KLHL8: variants seen among roughly 807,000 people sequenced by gnomAD.
The protein encoded by KLHL8 is kelch-like protein 8.
In KLHL8, 38 loss-of-function variants were observed where a neutral mutation model predicts 63.5. The ratio of observed to expected loss-of-function variants is 0.60; its 90% confidence interval spans 0.46 to 0.78. KLHL8 has a LOEUF of 0.78. Among genes scored for constraint, KLHL8 ranks in the 30% least tolerant of loss-of-function variants. The pLI is 0.00. For missense variants in KLHL8, 566 were observed against 752.4 expected (o/e 0.75, Z 2.90); for synonymous variants, 224 against 254.3 (o/e 0.88, Z 1.13).
At chr4:87,175,990 A>T (rs1163629427) in intron 6 of KLHL8, among the ~76,000 whole-genome samples, 1 of 152,240 alleles carries the variant, frequency 6.6e-6, no homozygotes, top group Non-Finnish European at 1.5e-5. Flanking sequence ...TATCTCTGCC[A>T]TTATTCACCT....
chr4:87,168,764 A>G (rs555818476), intron 8 of KLHL8, among the ~76,000 whole-genome samples: 1 of 141,364 alleles, frequency 7.1e-6, no homozygotes, highest in African/African-American at 2.6e-5. Flanking sequence ...ATGTGTGTGT[A>G]TATATATGTG....
chr4:87,202,308 C>T (rs142349733), intron 1 of KLHL8, among the ~76,000 whole-genome samples: 66 of 152,158 alleles, frequency 4.3e-4, no homozygotes, highest in African/African-American at 1.5e-3. Flanking sequence ...TTAGTAGAGA[C>T]GGGGTTTCAG....
chr4:87,174,471 GT>G (rs1210542499), intron 6 of KLHL8, among the ~76,000 whole-genome samples: 1 of 152,046 alleles, frequency 6.6e-6, no homozygotes, highest in Non-Finnish European at 1.5e-5. Context: ...TAGAGACGGT[GT>G]TTTGCCATGT....
At chr4:87,226,587 A>ATATATAAGTAATATATATATTATT (rs1732979963) in intron 1 of KLHL8, among the ~76,000 whole-genome samples, 4 of 84,796 alleles carry the variant, frequency 4.7e-5, no homozygotes, top group Non-Finnish European at 6.5e-5. Context: ...CTCTCTCTAT[A>ATATATAAGTAATATATATATTATT]TATATAAATA....
intron 1 of KLHL8, among the ~76,000 whole-genome samples, chr4:87,230,664 T>C (rs538422977): frequency 6.6e-6 from 1 of 152,314 alleles, no homozygotes; most frequent in African/African-American, 2.4e-5. Flanking sequence ...AAGTACTGAT[T>C]ATATTATTAG....
At position 87,183,241 on chromosome 4, in the gene KLHL8, TC is replaced by T; in HGVS notation, c.913del (p.Glu305AsnfsTer19). On this transcript the variant is annotated frameshift_variant, in exon 4 of 10. Transcript: ENST00000273963. LOFTEE classifies it high-confidence loss of function. ...HLSSRAVPDFEYSIRTTPRKH... is the reference protein window; with the variant it reads ...HLSSRAVPDFXYSIRTTPRKH... ...CCTTGGGGTAGTCCGAATGGAGTAT[TC>T]AAAGTCAGGTACTGCTCTGCTACTC... 1 of 1,612,262 alleles carries T rather than the reference TC, an allele frequency of 6.2e-7. No individual in the cohort carries two copies. The highest frequency in any genetic ancestry group is 8.5e-7 in the Non-Finnish European group (1 of 1,178,882).
At chr4:87,225,900 A>G (rs1461587074) in intron 1 of KLHL8, among the ~76,000 whole-genome samples, 1 of 152,092 alleles carries the variant, frequency 6.6e-6, no homozygotes, top group Non-Finnish European at 1.5e-5. Context: ...TTACTCCATC[A>G]TACCCAAGTC....
chr4:87,222,305 G>C (rs1277047675), upstream of KLHL8, among the ~76,000 whole-genome samples: 1 of 152,032 alleles, frequency 6.6e-6, no homozygotes, highest in African/African-American at 2.4e-5. Flanking sequence ...TCCCCTAAAA[G>C]TCCTTTACTA....
intron 1 of KLHL8, chr4:87,219,812 A>G (rs1578406444): frequency 6.6e-6 from 1 of 152,226 alleles, no homozygotes; most frequent in South Asian, 2.1e-4. Context: ...CAAGGTCTAC[A>G]CCGCCGCTCC....
intron 6 of KLHL8, among the ~76,000 whole-genome samples, chr4:87,171,113 G>A (rs768883614): frequency 6.6e-5 from 10 of 152,082 alleles, no homozygotes; most frequent in African/African-American, 1.9e-4. Flanking sequence ...TATTTCTGAA[G>A]CGTATTTATT....
upstream of KLHL8, among the ~76,000 whole-genome samples, chr4:87,223,583 G>T (rs1266725602): frequency 6.6e-6 from 1 of 152,072 alleles, no homozygotes; most frequent in Non-Finnish European, 1.5e-5. Context: ...GAAAAGGTAT[G>T]CATGGGGTGG....
rs1406480836 is a variant in KLHL8, at chr4:87,161,993, G to A, written c.*1526C>T. 1 of 150,318 alleles carries A rather than the reference G, an allele frequency of 6.7e-6. No homozygotes were observed. The highest frequency in any genetic ancestry group is 1.9e-4 in the East Asian group (1 of 5,140). The allele number at this position is 150,318 out of a possible 1,614,324, so 9.3% of individuals were successfully genotyped here. A position where few individuals can be genotyped will look rare whatever the true frequency, so the allele number is the denominator to read the frequency against. ...TTTTTTGTGATGTGGCTTTTTTTGT[G>A]ATGTGGCTTTCCACACTATTGTAGA... On this transcript the variant is annotated 3_prime_UTR_variant, in exon 10 of 10. Coordinates refer to ENST00000273963, the MANE Select transcript of KLHL8 (RefSeq NM_020803.5).
chr4:87,234,738 G>A (rs1733198548), intron 1 of KLHL8, among the ~76,000 whole-genome samples: 1 of 152,160 alleles, frequency 6.6e-6, no homozygotes, highest in Non-Finnish European at 1.5e-5. Context: ...CCTGGGGCAG[G>A]TCCTCCAGGA....
At chr4:87,168,695 TAC>T (rs1469590605) in intron 8 of KLHL8, among the ~76,000 whole-genome samples, 2 of 147,332 alleles carry the variant, frequency 1.4e-5, no homozygotes, top group African/African-American at 2.5e-5. Context: ...TGTATATATA[TAC>T]GTATATATAT....
intron 1 of KLHL8, among the ~76,000 whole-genome samples, chr4:87,227,245 TGCTTAAA>T (rs999486264): frequency 9.2e-5 from 14 of 151,702 alleles, no homozygotes; most frequent in African/African-American, 3.1e-4. Context: ...TGGGGATGGC[TGCTTAAA>T]GGAAACTAAT....
chr4:87,181,704 C>A (rs981713578), intron 4 of KLHL8, among the ~76,000 whole-genome samples: 3 of 152,054 alleles, frequency 2.0e-5, no homozygotes, highest in Non-Finnish European at 4.4e-5. Context: ...GTCTCCTCAT[C>A]CTTAAAACAG....
intron 8 of KLHL8, among the ~76,000 whole-genome samples, chr4:87,164,949 C>G (rs1012868757): frequency 6.6e-6 from 1 of 151,838 alleles, no homozygotes; most frequent in Non-Finnish European, 1.5e-5. Flanking sequence ...GAGATCGAGA[C>G]CATCCTGGCT....
intron 1 of KLHL8, chr4:87,240,184 T>G (rs778909591): frequency 1.3e-5 from 2 of 152,220 alleles, no homozygotes; most frequent in African/African-American, 2.4e-5. Flanking sequence ...AGTTTCTGTC[T>G]TCTACTTCAC....
At chr4:87,197,567 C>T (rs1731744978) in intron 1 of KLHL8, among the ~76,000 whole-genome samples, 1 of 152,186 alleles carries the variant, frequency 6.6e-6, no homozygotes, top group Non-Finnish European at 1.5e-5. Context: ...GACTCAACTA[C>T]ACTGTGCCCA....
Sources: allele counts gnomAD v4.1 joint callset (sites outside exome capture counted in the v4.1 genomes callset), GRCh38; gene constraint gnomAD v4.1.1; transcripts MANE v1.5; gene names NCBI Gene and HGNC (gene_info 2026-07-23, HGNC 2026-07-21).